ABR: variants seen among roughly 807,000 people sequenced by gnomAD.
ABR encodes the protein ABR activator of RhoGEF and GTPase, also known as active breakpoint cluster region-related protein.
ABR carries 35 observed loss-of-function variants against 107.2 expected under a neutral mutation model. That is an observed-to-expected ratio of 0.33 (90% CI 0.25 to 0.43). ABR has a LOEUF of 0.43. Among genes scored for constraint, ABR ranks in the 20% least tolerant of loss-of-function variants. The probability of loss-of-function intolerance (pLI) is 1.00; values close to 1 mark genes in which losing one functional copy is unlikely to be tolerated. For missense variants in ABR, 815 were observed against 1,115.2 expected, an observed-to-expected ratio of 0.73 and a Z score of 3.83; for synonymous variants, 498 against 462.0, an observed-to-expected ratio of 1.08 and a Z score of -1.00.
chr17:1,159,286 G>GTATGTGGTACTCACACACGAGAA (rs1567840766), intron 1 of ABR, among the ~76,000 whole-genome samples: 8 of 14,096 alleles, frequency 5.7e-4, no homozygotes, highest in Admixed American at 7.7e-4. Flanking sequence ...ACACGGGAGA[G>GTATGTGGTACTCACACACGAGAA]GTAAGAATGC....
chr17:1,203,582 C>A (rs1015955502), intron 1 of ABR, among the ~76,000 whole-genome samples: 5 of 151,872 alleles, frequency 3.3e-5, no homozygotes, highest in Non-Finnish European at 7.4e-5. Flanking sequence ...CCTCCAGGCG[C>A]GGTTAATCCA....
intron 16 of ABR, among the ~76,000 whole-genome samples, chr17:1,018,461 C>T (rs2071374456): frequency 6.6e-6 from 1 of 152,204 alleles, no homozygotes; most frequent in South Asian, 2.1e-4. Context: ...AAGCCTCAGG[C>T]CAATTCCATG....
chr17:1,111,113 G>C (rs907364828), intron 2 of ABR, among the ~76,000 whole-genome samples: 1 of 152,146 alleles, frequency 6.6e-6, no homozygotes, highest in East Asian at 1.9e-4. Flanking sequence ...CAGGTGACAC[G>C]AAGAAGGGCC....
Position 1,092,703 on chromosome 17 carries a change from G to GA in ABR, c.346-854dup, listed in dbSNP as rs11342352. ...TACAATGAATGAATATGAATAATCAGAAAAAAAAAAACCAAAGATGACCAG... is the reference window on the plus strand; with the variant it reads ...TACAATGAATGAATATGAATAATCAGAAAAAAAAAAAACCAAAGATGACCAG... On this transcript the variant is annotated intron_variant, in intron 3 of 22. Transcript: ENST00000302538. The surrounding 1 kb of genome is among the most constrained non-coding windows in gnomAD (Gnocchi z 4.6). Among the ~76,000 whole-genome samples the GA allele has an allele frequency of 0.23, 33,668 of 148,942 alleles. 4,080 individuals carry two copies. Among genetic ancestry groups the GA allele is most frequent in the Middle Eastern group, 0.3 (85 of 286 alleles).
rs1456859831 is a variant in ABR, at chr17:1,179,181, C to A, written c.61+486G>T. Among the ~76,000 whole-genome samples the A allele has an allele frequency of 7.0e-6, 1 of 142,242 alleles. No homozygotes were observed. The highest frequency in any genetic ancestry group is 6.9e-5 in the Admixed American group (1 of 14,436). The allele number at this position is 142,242 out of a possible 152,430, so 93.3% of individuals were successfully genotyped here. ...CCACCCCAGCACCGAACCCCTGGGC[C>A]CTGAACCACACATGACCCGGTGCCC... is the stretch of plus-strand genomic sequence containing the variant. On this transcript the variant is annotated intron_variant, in intron 1 of 22. Coordinates refer to ENST00000302538, the MANE Select transcript of ABR (RefSeq NM_021962.5). The surrounding 1 kb of genome is among the most constrained non-coding windows in gnomAD (Gnocchi z 4.9).
chr17:1,176,998 C>T (rs181272467), intron 1 of ABR, among the ~76,000 whole-genome samples: 304 of 152,230 alleles, frequency 2.0e-3, no homozygotes, highest in Non-Finnish European at 3.1e-3. Context: ...GGCAGGGAAC[C>T]TCTAACACCG....
intron 10 of ABR, among the ~76,000 whole-genome samples, chr17:1,064,390 T>C (rs2034438435): frequency 3.0e-5 from 4 of 134,690 alleles, no homozygotes; most frequent in African/African-American, 1.1e-4. Flanking sequence ...CTGAGGGCTA[T>C]GCATGTTCCT....
At chr17:1,046,451 A>G (rs2031633943) in intron 16 of ABR, among the ~76,000 whole-genome samples, 2 of 151,998 alleles carry the variant, frequency 1.3e-5, no homozygotes, top group Non-Finnish European at 2.9e-5. Flanking sequence ...TTGTATTTTT[A>G]GTAGGAAAGG....
intron 3 of ABR, among the ~76,000 whole-genome samples, chr17:1,094,033 A>G (rs980031934): frequency 2.0e-5 from 3 of 152,050 alleles, no homozygotes; most frequent in Admixed American, 1.3e-4. Flanking sequence ...GCTAGAATCA[A>G]TGGCCCCTCG....
intron 16 of ABR, among the ~76,000 whole-genome samples, chr17:1,036,179 T>C (rs923637209): frequency 6.6e-6 from 1 of 152,166 alleles, no homozygotes; most frequent in Non-Finnish European, 1.5e-5. Flanking sequence ...TTCCTCGTCC[T>C]ATCCGCTAGC....
chr17:1,214,661 C>G (rs1167705503), intron 1 of ABR, among the ~76,000 whole-genome samples: 2 of 151,776 alleles, frequency 1.3e-5, no homozygotes, highest in Non-Finnish European at 2.9e-5. Flanking sequence ...ATTAGCCAGG[C>G]GTAGTGGCAC....
At position 1,006,089 on chromosome 17, in the gene ABR, G is replaced by A. The variant is rs375629677; in HGVS notation, c.2571C>T (p.Thr857=). The stretch of plus-strand genomic sequence containing the variant: ...GCCACCCTGCCTCGGGCTACACGTC[G>A]GTGGAGAAGTACAGTGTGTTCCGCT... ...ELKRNTLYFS[T]DV is the part of the protein sequence containing the mutation. The change falls in exon 23 of 23, where the codon ACC becomes ACT. Residue 857 remains threonine (T), a synonymous_variant. Transcript: ENST00000302538. The A allele has an allele frequency of 9.4e-5, 148 of 1,569,884 alleles. No homozygotes were observed. Among genetic ancestry groups the A allele is most frequent in the Admixed American group, 1.3e-4 (7 of 53,170 alleles).
chr17:1,073,722 G>A (rs371779486), intron 6 of ABR, 45 bp from the exon 7 acceptor site: 1 of 1,544,184 alleles, frequency 6.5e-7, no homozygotes, highest in East Asian at 2.3e-5. Flanking sequence ...TGATGGACGA[G>A]GGCAACCCAA....
At chr17:1,141,273 T>G (rs1184912127) in intron 1 of ABR, among the ~76,000 whole-genome samples, 1 of 152,132 alleles carries the variant, frequency 6.6e-6, no homozygotes, top group Admixed American at 6.6e-5. Context: ...CACCTCCTTC[T>G]CAGGGCCCCC....
At chr17:1,126,582 C>T (rs8182339) in intron 1 of ABR, 69,636 of 152,230 alleles carry the variant, frequency 0.46, 17,058 homozygotes, top group East Asian at 0.55. Context: ...TGCCCAGTGG[C>T]GGCGTCCGCT....
intron 2 of ABR, among the ~76,000 whole-genome samples, chr17:1,117,300 G>A (rs1487621220): frequency 1.8e-5 from 1 of 55,372 alleles, no homozygotes; most frequent in Non-Finnish European, 3.9e-5. Flanking sequence ...TCCTCCCAGC[G>A]TTATCCCTGA....
intron 3 of ABR, among the ~76,000 whole-genome samples, chr17:1,095,972 G>C (rs533145786): frequency 1.3e-5 from 2 of 152,330 alleles, no homozygotes; most frequent in South Asian, 2.1e-4. Flanking sequence ...AGGGCCAGTC[G>C]TGGCCAGCGG....
intron 1 of ABR, among the ~76,000 whole-genome samples, chr17:1,161,055 C>T (rs1336409438): frequency 6.6e-6 from 1 of 152,258 alleles, no homozygotes; most frequent in East Asian, 1.9e-4. Context: ...CCAAGGACAC[C>T]ATCCCTTCTC....
At chr17:1,060,712 GC>G (rs1321780599) in intron 10 of ABR, among the ~76,000 whole-genome samples, 1 of 152,038 alleles carries the variant, frequency 6.6e-6, no homozygotes, top group Non-Finnish European at 1.5e-5. Flanking sequence ...AGAGAACAAG[GC>G]TGAGCACGGT....
Sources: allele counts gnomAD v4.1 joint callset (sites outside exome capture counted in the v4.1 genomes callset), GRCh38; gene constraint gnomAD v4.1.1; non-coding constraint Gnocchi (gnomAD v3.1); transcripts MANE v1.5; gene names NCBI Gene and HGNC (gene_info 2026-07-23, HGNC 2026-07-21).